The following ENGASE variants were observed in gnomAD, a reference collection of about 807,000 sequenced individuals.
The protein encoded by ENGASE is cytosolic endo-beta-N-acetylglucosaminidase.
Under a neutral mutation model 78.5 loss-of-function variants are expected in ENGASE, and 69 were observed. The observed-to-expected ratio is 0.88, with a 90% confidence interval of 0.72 to 1.07. The LOEUF (loss-of-function observed/expected upper bound fraction) is 1.07, where lower values mean the gene tolerates loss of function less well. Among genes scored for constraint, ENGASE ranks in the 50% least tolerant of loss-of-function variants. The probability of loss-of-function intolerance (pLI) is 0.00; values close to 1 mark genes in which losing one functional copy is unlikely to be tolerated. For missense variants in ENGASE, 943 were observed against 988.4 expected (o/e 0.95, Z 0.62); for synonymous variants, 408 against 408.9 (o/e 1.00, Z 0.03).
chr17:79,079,374 C>A lies in ENGASE; in HGVS notation c.417-115C>A, dbSNP rs547070133. 38 of 1,222,454 alleles carry A rather than the reference C, an allele frequency of 3.1e-5. No homozygotes were observed. The East Asian group carries it at 8.0e-4, about 26-fold the overall frequency. 75.7% of individuals were successfully genotyped at this position (1,222,454 alleles called of 1,614,324 possible). ...GGAGAGATGGGGTTTTGCCATGTTG[C>A]CCAGGCTGGTCTTAAACTCCTGGGC... On this transcript the variant is annotated intron_variant, in intron 3 of 13. Transcript: ENST00000579016.
In ENGASE at chr17:79,083,161, T is replaced by C. The variant is rs1396461429; in HGVS notation, c.1142+38T>C. On this transcript the variant is annotated intron_variant, in intron 8 of 13. Transcript: ENST00000579016. The surrounding 1 kb of genome is among the most constrained non-coding windows in gnomAD (Gnocchi z 4.9). ...GTCCTGGGTGCTTAGTGCAGGCTGA[T>C]GGGAGGGAGGGGTTTCTGGTGTCTC... 2 of 1,463,458 alleles carry C rather than the reference T, an allele frequency of 1.4e-6. No homozygotes were observed. The highest frequency in any genetic ancestry group is 1.9e-6 in the Non-Finnish European group (2 of 1,048,124). 90.7% of individuals were successfully genotyped at this position (1,463,458 alleles called of 1,614,324 possible).
chr17:79,086,696 AGATGCT>A lies in ENGASE; in HGVS notation c.*353_*358del, dbSNP rs2073323019. On this transcript the variant is annotated 3_prime_UTR_variant, in exon 14 of 14. Transcript: ENST00000579016. ...AAAGGATATTTCCTAATAGGCTGCAAGATGCTGATGCCGAGAATGATGATTTTCTTT... is the reference window on the plus strand; with the variant it reads ...AAAGGATATTTCCTAATAGGCTGCAAGATGCCGAGAATGATGATTTTCTTT... The A allele has an allele frequency of 2.4e-6, 1 of 418,646 alleles. No individual in the cohort carries two copies. Among genetic ancestry groups the A allele is most frequent in the Non-Finnish European group, 4.5e-6 (1 of 220,992 alleles). 25.9% of individuals were successfully genotyped at this position (418,646 alleles called of 1,614,324 possible).
Position 79,084,595 on chromosome 17 carries a change from G to A in ENGASE, c.1500G>A (p.Lys500=), listed in dbSNP as rs777041905. The change falls in exon 11 of 14, where the codon AAG becomes AAA. Residue 500 remains lysine (K), a synonymous_variant. Transcript: ENST00000579016. ...AGATTTACCTGTCCATGGTGTATAAGCTTGAGGGGCCCACGGACGTCACAG... is the reference window on the plus strand; with the variant it reads ...AGATTTACCTGTCCATGGTGTATAAACTTGAGGGGCCCACGGACGTCACAG... ...PPKIYLSMVY[K]LEGPTDVTVA... The A allele has an allele frequency of 1.2e-6, 2 of 1,611,074 alleles. No homozygotes were observed. The highest frequency in any genetic ancestry group is 1.7e-6 in the Non-Finnish European group (2 of 1,179,034).
rs1425022315 is a variant in ENGASE at position 79,074,925 on chromosome 17, C to G, written c.-20C>G. ...CGGGCCCGGGCCTGCGATTGCCTCT[C>G]GGCGTGCGCGGACAGTGTCATGGAG... On this transcript the variant is annotated 5_prime_UTR_variant, in exon 1 of 14. Coordinates refer to ENST00000579016, the MANE Select transcript of ENGASE (RefSeq NM_001042573.3). The G allele has an allele frequency of 1.6e-6, 2 of 1,259,436 alleles. No homozygotes were observed. Among genetic ancestry groups the G allele is most frequent in the Non-Finnish European group, 2.0e-6 (2 of 1,001,782 alleles). The allele number at this position is 1,259,436 out of a possible 1,614,324, so 78.0% of individuals were successfully genotyped here.
At position 79,080,242 on chromosome 17, in the gene ENGASE, C is replaced by G; in HGVS notation, c.601C>G (p.Leu201Val). 1.2e-6 allele frequency: 2 copies of G among 1,612,426 alleles called. No homozygotes were observed. Among genetic ancestry groups the G allele is most frequent in the Non-Finnish European group, 1.7e-6 (2 of 1,178,938 alleles). Residue 201 changes from leucine to valine, a missense_variant, in exon 5 of 14, where the codon CTC becomes GTC. Physicochemically the swap from Leu to Val is conservative, Grantham distance 32 (BLOSUM62 1). Coordinates refer to ENST00000579016, the MANE Select transcript of ENGASE (RefSeq NM_001042573.3). The part of the protein sequence containing the change: ...FITEWNEGGR[L>V]CEAFLAGDER... Reference sequence around the variant, plus strand: ...CACGGAGTGGAATGAAGGGGGAAGGCTCTGTGAAGCCTTCCTGGCCGGGGA... The same window carrying G: ...CACGGAGTGGAATGAAGGGGGAAGGGTCTGTGAAGCCTTCCTGGCCGGGGA...
rs757014203 is a variant in ENGASE at position 79,080,965 on chromosome 17, T to C, written c.764T>C (p.Leu255Pro). Residue 255 changes from leucine to proline, a missense_variant, in exon 6 of 14, where the codon CTC (leucine) becomes CCC (proline). Transcript: ENST00000579016. ...VGNMPPFLRYLTTQLHRQVPG... is the reference protein window; with the variant it reads ...VGNMPPFLRYPTTQLHRQVPG... ...AACATGCCTCCTTTCCTGCGGTACC[T>C]CACCACACAGCTGCACCGGCAGGTC... is the stretch of plus-strand genomic sequence containing the variant. 1.2e-5 allele frequency: 20 copies of C among 1,613,376 alleles called. No individual in the cohort carries two copies. Among genetic ancestry groups the C allele is most frequent in the Non-Finnish European group, 1.7e-5 (20 of 1,179,922 alleles).
At position 79,086,329 on chromosome 17, in the gene ENGASE, C is replaced by T. The variant is rs1174407574; in HGVS notation, c.2212C>T (p.Leu738Phe). 6.2e-7 allele frequency: 1 copy of T among 1,612,852 alleles called. No individual in the cohort carries two copies. Among genetic ancestry groups the T allele is most frequent in the Non-Finnish European group, 8.5e-7 (1 of 1,179,770 alleles). ...PQAEWGRAVL[L>F]YSAPA ...GGCCGAGTGGGGCAGGGCAGTTCTG[C>T]TTTATTCAGCCCCTGCATGAGCGGA... The change falls in exon 14 of 14, where the codon CTT becomes TTT. Residue 738 changes from leucine to phenylalanine, a missense_variant. Leu to Phe is a conservative substitution (Grantham distance 22). Coordinates refer to ENST00000579016, the MANE Select transcript of ENGASE (RefSeq NM_001042573.3).
chr17:79,078,707 G>A (rs2073032527), intron 3 of ENGASE, among the ~76,000 whole-genome samples: 1 of 152,208 alleles, frequency 6.6e-6, no homozygotes, highest in Non-Finnish European at 1.5e-5. Context: ...TGTGATTGAT[G>A]GGAAGGCTTG....
At position 79,086,119 on chromosome 17, in the gene ENGASE, G is replaced by A; in HGVS notation, c.2002G>A (p.Gly668Arg). The change falls in exon 14 of 14, where the codon GGG becomes AGG. Residue 668 changes from glycine to arginine, a missense_variant. Physicochemically the swap from Gly to Arg is moderately radical, Grantham distance 125. Transcript: ENST00000579016. ...VRCFRIHCWG[G>R]MSDDSPGREL... The stretch of plus-strand genomic sequence containing the variant: ...TTGCTTCCGAATCCACTGCTGGGGA[G>A]GGATGAGTGATGACTCTCCGGGCAG... The A allele has an allele frequency of 6.2e-7, 1 of 1,613,712 alleles. No homozygotes were observed.
In ENGASE at chr17:79,084,525, C is replaced by T; in HGVS notation, c.1443-13C>T. On this transcript the variant is annotated splice_polypyrimidine_tract_variant and intron_variant, in intron 10 of 13. Coordinates refer to ENST00000579016, the MANE Select transcript of ENGASE (RefSeq NM_001042573.3). ...TCTCTCCACGGCACCCATCACAGGA[C>T]CTTTTTCCCCAGGTTATTTTCCCTG... 2 of 1,559,296 alleles carry T rather than the reference C, an allele frequency of 1.3e-6. No homozygotes were observed. Among genetic ancestry groups the T allele is most frequent in the Non-Finnish European group, 1.7e-6 (2 of 1,158,382 alleles).
Position 79,086,118 on chromosome 17 carries a change from A to T in ENGASE, c.2001A>T (p.Gly667=), listed in dbSNP as rs2073298711. 6.2e-7 allele frequency: 1 copy of T among 1,613,658 alleles called. No homozygotes were observed. ...GTTGCTTCCGAATCCACTGCTGGGG[A>T]GGGATGAGTGATGACTCTCCGGGCA... ...QVRCFRIHCW[G]GMSDDSPGRE... Residue 667 remains glycine (G), a synonymous_variant, in exon 14 of 14, where the codon GGA becomes GGT. Transcript: ENST00000579016.
In ENGASE at chr17:79,075,046, G is replaced by A; in HGVS notation, c.102G>A (p.Gln34=). ...CGGAGGCGGGGACGCAGGAGGAGCA[G>A]GAGGATCAGGAGCCGCGGCCGCGGC... The part of the protein sequence containing the change: ...AAPEAGTQEE[Q]EDQEPRPRRR... Residue 34 remains glutamine, a synonymous_variant, in exon 1 of 14, where the codon CAG becomes CAA. Coordinates refer to ENST00000579016, the MANE Select transcript of ENGASE (RefSeq NM_001042573.3). 8.3e-7 allele frequency: 1 copy of A among 1,205,062 alleles called. No individual in the cohort carries two copies. Among genetic ancestry groups the A allele is most frequent in the Non-Finnish European group, 1.0e-6 (1 of 967,498 alleles). 74.6% of individuals were successfully genotyped at this position (1,205,062 alleles called of 1,614,324 possible). A position where few individuals can be genotyped will look rare whatever the true frequency, so the allele number is the denominator to read the frequency against.
intron 7 of ENGASE, chr17:79,082,789 C>A (rs74001528): frequency 0.13 from 195,314 of 1,482,078 alleles, 13,484 homozygotes; most frequent in African/African-American, 0.17. Context: ...CCCCTGCCCC[C>A]CTGCCCTTGC....
Position 79,074,903 on chromosome 17 carries a change from G to T in ENGASE, c.-42G>T. 1 of 1,250,380 alleles carries T rather than the reference G, an allele frequency of 8.0e-7. No homozygotes were observed. Among genetic ancestry groups the T allele is most frequent in the Non-Finnish European group, 1.0e-6 (1 of 996,488 alleles). 77.5% of individuals were successfully genotyped at this position (1,250,380 alleles called of 1,614,324 possible). ...TTGGCCGAGCGCGGCGCGGGGGCGG[G>T]CCCGGGCCTGCGATTGCCTCTCGGC... On this transcript the variant is annotated 5_prime_UTR_variant, in exon 1 of 14. Transcript: ENST00000579016.
chr17:79,087,721 G>A lies in ENGASE; in HGVS notation c.*1372G>A, dbSNP rs2073368878. 1 of 152,316 alleles carries A rather than the reference G, an allele frequency of 6.6e-6. No homozygotes were observed. Among genetic ancestry groups the A allele is most frequent in the Non-Finnish European group, 1.5e-5 (1 of 68,186 alleles). 9.4% of individuals were successfully genotyped at this position (152,316 alleles called of 1,614,324 possible). On this transcript the variant is annotated 3_prime_UTR_variant, in exon 14 of 14. Transcript: ENST00000579016. ...ACCCCAGCTGGAGCCCACACCTAAG[G>A]GCTGGCATCCACATCATTTCACCCT... is the stretch of plus-strand genomic sequence containing the variant.
rs78600603 is a variant in ENGASE at position 79,084,133 on chromosome 17, G to A, written c.1442+182G>A. The stretch of plus-strand genomic sequence containing the variant: ...AATTCACCATCTTGACCCTGTTGAA[G>A]TGAACGGTACAGGAGTGTTAACTCT... On this transcript the variant is annotated intron_variant, in intron 10 of 13. Transcript: ENST00000579016. The A allele has an allele frequency of 1.4e-3, 861 of 619,390 alleles. 8 individuals carry two copies. The African/African-American group carries it at 0.014, about 10-fold the overall frequency. The allele number at this position is 619,390 out of a possible 1,614,324, so 38.4% of individuals were successfully genotyped here.
chr17:79,082,380 C>T (rs2073167445), intron 7 of ENGASE: 1 of 1,274,218 alleles, frequency 7.8e-7, no homozygotes, highest in Non-Finnish European at 1.0e-6. Context: ...GTTCCTTGAT[C>T]TTCCCCGTGA....
In ENGASE at chr17:79,086,059, A is replaced by T. The variant is rs1224422556; in HGVS notation, c.1942A>T (p.Thr648Ser). Residue 648 changes from threonine (T) to serine (S), a missense_variant, in exon 14 of 14, where the codon ACC becomes TCC. Transcript: ENST00000579016. ...CCCTGCTCTGCTCCAGCTCAGCTGC[A>T]CCCTGCACTGGTCCTTCCTCCTCTC... is the stretch of plus-strand genomic sequence containing the variant. ...GPPALLQLSC[T>S]LHWSFLLSQV... The T allele has an allele frequency of 3.1e-6, 5 of 1,613,242 alleles. No homozygotes were observed. In the African/African-American group the frequency reaches 5.3e-5, roughly 17 times the overall value.
chr17:79,085,640 G>A lies in ENGASE; in HGVS notation c.1721G>A (p.Arg574His), dbSNP rs751624332. The stretch of plus-strand genomic sequence containing the variant: ...CGTAGCTGCTACGAGGTGAGCCTGC[G>A]TGGGTGCCTGCTGCTAGACCTCCTC... ...WVQHCYEVSL[R>H]GCLLLDLLVC... is the part of the protein sequence containing the mutation. The change falls in exon 13 of 14, where the codon CGT becomes CAT. Residue 574 changes from arginine (R) to histidine (H), a missense_variant. Arg to His is a conservative substitution (Grantham distance 29). Coordinates refer to ENST00000579016, the MANE Select transcript of ENGASE (RefSeq NM_001042573.3). 9.9e-6 allele frequency: 16 copies of A among 1,613,780 alleles called. No homozygotes were observed. Among genetic ancestry groups the A allele is most frequent in the East Asian group, 6.7e-5 (3 of 44,882 alleles).
Sources: allele counts gnomAD v4.1 joint callset (sites outside exome capture counted in the v4.1 genomes callset), GRCh38; gene constraint gnomAD v4.1.1; non-coding constraint Gnocchi (gnomAD v3.1); transcripts MANE v1.5; gene names NCBI Gene and HGNC (gene_info 2026-07-23, HGNC 2026-07-21).